DNHD1: variants seen among roughly 807,000 people sequenced by gnomAD.
DNHD1 encodes the protein dynein heavy chain domain-containing protein 1.
Under a neutral mutation model 458.1 loss-of-function variants are expected in DNHD1, and 383 were observed. The observed-to-expected ratio is 0.84, with a 90% confidence interval of 0.77 to 0.91. The LOEUF (loss-of-function observed/expected upper bound fraction) is 0.91. Among genes scored for constraint, DNHD1 ranks in the 40% least tolerant of loss-of-function variants. The probability of loss-of-function intolerance (pLI) is 0.00; values close to 1 mark genes in which losing one functional copy is unlikely to be tolerated. For synonymous variants in DNHD1, 2,203 were observed against 2,376.9 expected (o/e 0.93, Z 2.13); for missense variants, 5,336 against 5,866.1 (o/e 0.91, Z 2.95).
chr11:6,555,031 G>T (rs747797663), intron 24 of DNHD1, among the ~76,000 whole-genome samples: 1 of 152,174 alleles, frequency 6.6e-6, no homozygotes, highest in Non-Finnish European at 1.5e-5. Context: ...CAAGAGATAA[G>T]AGTTTAGAAG....
intron 19 of DNHD1, 52 bp downstream of exon 19, chr11:6,544,298 C>G: frequency 6.5e-7 from 1 of 1,547,626 alleles, no homozygotes; most frequent in Non-Finnish European, 8.7e-7. Flanking sequence ...GGCAGGATGT[C>G]CCAGAGGGAT....
intron 4 of DNHD1, among the ~76,000 whole-genome samples, chr11:6,507,286 G>T (rs1165693225): frequency 6.6e-6 from 1 of 152,122 alleles, no homozygotes; most frequent in Non-Finnish European, 1.5e-5. Context: ...CTTACACACT[G>T]CTTGCCTTAA....
At chr11:6,558,398 T>G in intron 25 of DNHD1, 87 bp from the exon 26 acceptor site, 1 of 1,536,424 alleles carries the variant, frequency 6.5e-7, no homozygotes, top group East Asian at 2.5e-5. Flanking sequence ...GCTGAGAAGA[T>G]TGGGGCTAAG....
At position 6,566,639 on chromosome 11, in the gene DNHD1, CA is replaced by C; in HGVS notation, c.11260del (p.Met3754TrpfsTer27). ...TGAATGTGTTGGATCTGGGCCTGAA[CA>C]TGGAAATACTGGAAGAACAGATGCT... ...GLNVLDLGLN[M>X]EILEEQMLHE... is the part of the protein sequence containing the mutation. On this transcript the variant is annotated frameshift_variant, in exon 35 of 43. Transcript: ENST00000254579. LOFTEE classifies it high-confidence loss of function. 1 of 1,613,824 alleles carries C rather than the reference CA, an allele frequency of 6.2e-7. No homozygotes were observed. The highest frequency in any genetic ancestry group is 8.5e-7 in the Non-Finnish European group (1 of 1,179,842).
chr11:6,567,954 A>G, intron 36 of DNHD1, 94 bp downstream of exon 36: 1 of 1,485,576 alleles, frequency 6.7e-7, no homozygotes, highest in Non-Finnish European at 9.0e-7. Context: ...ATCTTTCTGT[A>G]CTACGTAGGG....
At chr11:6,551,595 A>G (rs559589498) in intron 24 of DNHD1, among the ~76,000 whole-genome samples, 1 of 152,376 alleles carries the variant, frequency 6.6e-6, no homozygotes, top group African/African-American at 2.4e-5. Flanking sequence ...GGAAAACATA[A>G]ATTTTGAATA....
chr11:6,498,382 C>A lies in DNHD1; in HGVS notation c.167C>A (p.Thr56Lys), dbSNP rs751187616. 1.2e-6 allele frequency: 2 copies of A among 1,614,232 alleles called. No individual in the cohort carries two copies. Among genetic ancestry groups the A allele is most frequent in the Admixed American group, 3.3e-5 (2 of 60,026 alleles). Residue 56 changes from threonine (T) to lysine (K), a missense_variant, in exon 3 of 43, where the codon ACA (threonine) becomes AAA (lysine). By Grantham distance (78) the Thr-to-Lys change is moderately conservative (BLOSUM62 -1). Coordinates refer to ENST00000254579, the MANE Select transcript of DNHD1 (RefSeq NM_144666.3). ...VKPVTESEQPTVLELLLAELR... is the reference protein window; with the variant it reads ...VKPVTESEQPKVLELLLAELR... ...CCAGTGACTGAGTCAGAGCAGCCCA[C>A]AGTGCTGGAACTCCTGCTAGCTGAG...
At chr11:6,499,655 C>A (rs1308595096) in intron 3 of DNHD1, among the ~76,000 whole-genome samples, 2 of 151,978 alleles carry the variant, frequency 1.3e-5, no homozygotes, top group Non-Finnish European at 2.9e-5. Flanking sequence ...GCAACCTCCG[C>A]CTCCCGGGTT....
chr11:6,563,523 G>C lies in DNHD1; in HGVS notation c.9811G>C (p.Ala3271Pro), dbSNP rs1202523154. The C allele has an allele frequency of 2.6e-6, 4 of 1,551,580 alleles. No homozygotes were observed. The highest frequency in any genetic ancestry group is 2.0e-5 in the Admixed American group (1 of 50,988). The part of the protein sequence containing the change: ...CDLFHHETGW[A>P]SAKQLLCTED... ...CTTGTTCCACCATGAAACAGGCTGG[G>C]CCAGTGCCAAACAGCTGTTATGCAC... Residue 3271 changes from alanine to proline, a missense_variant, in exon 30 of 43, where the codon GCC becomes CCC. Coordinates refer to ENST00000254579, the MANE Select transcript of DNHD1 (RefSeq NM_144666.3).
intron 10 of DNHD1, among the ~76,000 whole-genome samples, chr11:6,521,821 A>G (rs1022174743): frequency 6.6e-6 from 1 of 152,146 alleles, no homozygotes; most frequent in East Asian, 1.9e-4. Flanking sequence ...GGCTCAAGTG[A>G]TCTTTTCGCC....
In DNHD1 at chr11:6,558,233, G is replaced by C; in HGVS notation, c.8938G>C (p.Glu2980Gln). ...AGAAGCAGATTTGGACCGCATTGGA[G>C]AACACCTCCCCAGGGAGAACCTTGG... ...YTEADLDRIG[E>Q]HLPRENLGVK... Residue 2980 changes from glutamate (E) to glutamine (Q), a missense_variant, in exon 25 of 43, where the codon GAA (glutamate) becomes CAA (glutamine). By Grantham distance (29) the Glu-to-Gln change is conservative. This residue lies in a region of DNHD1 where 3,932 missense variants were observed against 4,365.6 expected (regional missense o/e 0.90). Coordinates refer to ENST00000254579, the MANE Select transcript of DNHD1 (RefSeq NM_144666.3). The C allele has an allele frequency of 1.3e-6, 2 of 1,551,730 alleles. No individual in the cohort carries two copies. Among genetic ancestry groups the C allele is most frequent in the Non-Finnish European group, 1.7e-6 (2 of 1,147,002 alleles).
chr11:6,525,126 A>G (rs1271520698), intron 10 of DNHD1, among the ~76,000 whole-genome samples: 2 of 152,088 alleles, frequency 1.3e-5, no homozygotes, highest in Non-Finnish European at 2.9e-5. Context: ...CTGCAATGTC[A>G]AGCATCCCAT....
intron 14 of DNHD1, among the ~76,000 whole-genome samples, chr11:6,536,844 T>A (rs2134417249): frequency 6.6e-6 from 1 of 152,374 alleles, no homozygotes; most frequent in South Asian, 2.1e-4. Flanking sequence ...TATTTGATGT[T>A]GAAACAACTG....
chr11:6,527,386 A>C lies in DNHD1; in HGVS notation c.1838-1136A>C, dbSNP rs188311495. ...TTGGTGGATTCTGGATATATTTTTA[A>C]AGTAACGACAACAGGATTTTTAAAT... On this transcript the variant is annotated intron_variant, in intron 10 of 42. Coordinates refer to ENST00000254579, the MANE Select transcript of DNHD1 (RefSeq NM_144666.3). Among the ~76,000 whole-genome samples, 421 of 152,284 alleles carry C rather than the reference A, an allele frequency of 2.8e-3. 2 individuals carry two copies. The highest frequency in any genetic ancestry group is 9.4e-3 in the African/African-American group (392 of 41,556).
At chr11:6,544,274 TG>T in intron 19 of DNHD1, 28 bp downstream of exon 19, 1 of 1,551,166 alleles carries the variant, frequency 6.4e-7, no homozygotes, top group Non-Finnish European at 8.7e-7. Flanking sequence ...GCCAGGCTGA[TG>T]GGTGAGACCT....
chr11:6,545,269 C>T lies in DNHD1; in HGVS notation c.4330C>T (p.Leu1444Phe). 6.4e-7 allele frequency: 1 copy of T among 1,551,770 alleles called. No homozygotes were observed. Among genetic ancestry groups the T allele is most frequent in the Non-Finnish European group, 8.7e-7 (1 of 1,147,010 alleles). ...GGGTCCCCTTCCTCTGCATCCAGAT[C>T]TCCCTAAGTGGCTGGCCTCTCTGGA... is the stretch of plus-strand genomic sequence containing the variant. The part of the protein sequence containing the change: ...LQGPLPLHPD[L>F]PKWLASLEKC... The change falls in exon 21 of 43, where the codon CTC becomes TTC. Residue 1444 changes from leucine (L) to phenylalanine (F), a missense_variant. Leu to Phe is a conservative substitution (Grantham distance 22, BLOSUM62 0). This residue lies in a region of DNHD1 where 3,932 missense variants were observed against 4,365.6 expected (regional missense o/e 0.90). Transcript: ENST00000254579. This position sits in a 1 kb window ranked among gnomAD's most constrained non-coding sequence, Gnocchi z 4.9.
chr11:6,534,051 C>T lies in DNHD1; in HGVS notation c.2876C>T (p.Pro959Leu). The change falls in exon 14 of 43, where the codon CCC becomes CTC. Residue 959 changes from proline to leucine, a missense_variant. Around this residue, in one of 4 missense-constraint regions of DNHD1, gnomAD observed 3,932 missense variants for 4,365.6 expected, o/e 0.90. Transcript: ENST00000254579. ...EGLLAKALSG[P>L]FMDPTQDQRS... ...CTGCTTGCGAAGGCCCTCTCCGGTC[C>T]CTTTATGGACCCCACACAAGATCAG... 6.4e-7 allele frequency: 1 copy of T among 1,551,574 alleles called. No homozygotes were observed. Among genetic ancestry groups the T allele is most frequent in the Non-Finnish European group, 8.7e-7 (1 of 1,146,966 alleles).
chr11:6,548,094 A>G lies in DNHD1; in HGVS notation c.6905+54A>G, dbSNP rs1204473248. On this transcript the variant is annotated intron_variant, in intron 22 of 42. Coordinates refer to ENST00000254579, the MANE Select transcript of DNHD1 (RefSeq NM_144666.3). The surrounding 1 kb of genome is among the most constrained non-coding windows in gnomAD (Gnocchi z 4.4). Reference sequence around the variant, plus strand: ...GCAGAGGGCTGAGATGGACTGGCCCATGGAAGTAAAAACCCACATGACATC... The same window carrying G: ...GCAGAGGGCTGAGATGGACTGGCCCGTGGAAGTAAAAACCCACATGACATC... The G allele has an allele frequency of 5.8e-6, 9 of 1,549,770 alleles. No individual in the cohort carries two copies. Among genetic ancestry groups the G allele is most frequent in the East Asian group, 4.9e-5 (2 of 40,912 alleles).
chr11:6,555,036 T>G (rs1347425892), intron 24 of DNHD1, among the ~76,000 whole-genome samples: 2 of 152,228 alleles, frequency 1.3e-5, no homozygotes, highest in Non-Finnish European at 2.9e-5. Context: ...GATAAGAGTT[T>G]AGAAGCGCCT....
Sources: gnomAD v4.1 joint callset for allele counts (sites outside exome capture counted in the v4.1 genomes callset) on GRCh38, gnomAD v4.1.1 for gene constraint, gnomAD v4.1.1 regional missense constraint, Gnocchi (gnomAD v3.1) non-coding constraint, MANE v1.5 for transcripts, NCBI Gene and HGNC (gene_info 2026-07-23, HGNC 2026-07-21) for gene names.